Variants in FAM8A1 observed in about 807,000 individuals in gnomAD.
FAM8A1 encodes the protein family with sequence similarity 8 member A1, also known as protein FAM8A1.
In FAM8A1, 18 loss-of-function variants were observed where a neutral mutation model predicts 38.3. The observed-to-expected ratio is 0.47, with a 90% CI of 0.33 to 0.70. The LOEUF (loss-of-function observed/expected upper bound fraction) is 0.70. Ranked by LOEUF, FAM8A1 falls within the 30% of genes least tolerant of loss-of-function variation. The probability of loss-of-function intolerance (pLI) is 0.03; values close to 1 mark genes in which losing one functional copy is unlikely to be tolerated. For synonymous variants in FAM8A1, 246 were observed against 234.4 expected, an observed-to-expected ratio of 1.05 and a Z score of -0.45; for missense variants, 559 against 559.6, an observed-to-expected ratio of 1.00 and a Z score of 0.01.
chr6:17,600,870 G>A lies in FAM8A1; in HGVS notation c.461G>A (p.Gly154Asp), dbSNP rs754008029. Reference protein sequence around the residue: ...PQPSPQSFPSGGAAVPQAAAP... With the variant: ...PQPSPQSFPSDGAAVPQAAAP... ...CCCTCCCCGCAGAGCTTCCCTTCGG[G>A]CGGCGCTGCAGTCCCCCAGGCCGCG... Residue 154 changes from glycine (G) to aspartate (D), a missense_variant, in exon 1 of 5, where the codon GGC becomes GAC. By Grantham distance (94) the Gly-to-Asp change is moderately conservative. Coordinates refer to ENST00000259963, the MANE Select transcript of FAM8A1 (RefSeq NM_016255.3). 6.2e-7 allele frequency: 1 copy of A among 1,607,200 alleles called. No individual in the cohort carries two copies. The highest frequency in any genetic ancestry group is 1.1e-5 in the South Asian group (1 of 90,884).
chr6:17,610,498 A>G lies in FAM8A1; in HGVS notation c.*2159A>G, dbSNP rs372100685. ...AGAACCCAAGAGTCTGTTTCAATTT[A>G]TGAATTCAGTATTTGCACCGAGATT... On this transcript the variant is annotated 3_prime_UTR_variant, in exon 5 of 5. Coordinates refer to ENST00000259963, the MANE Select transcript of FAM8A1 (RefSeq NM_016255.3). 1 of 152,266 alleles carries G rather than the reference A, an allele frequency of 6.6e-6. No homozygotes were observed. The highest frequency in any genetic ancestry group is 1.9e-4 in the East Asian group (1 of 5,190). 9.4% of individuals were successfully genotyped at this position (152,266 alleles called of 1,614,324 possible). A position where few individuals can be genotyped will look rare whatever the true frequency, so the allele number is the denominator to read the frequency against.
chr6:17,606,039 A>G lies in FAM8A1; in HGVS notation c.1097+26A>G, dbSNP rs370429714. ...GTAAGTCCTTTTCTTAGCTTAATCTACTACATACTTAATGAAAATAATGTG... is the reference window on the plus strand; with the variant it reads ...GTAAGTCCTTTTCTTAGCTTAATCTGCTACATACTTAATGAAAATAATGTG... On this transcript the variant is annotated intron_variant, in intron 4 of 4. Coordinates refer to ENST00000259963, the MANE Select transcript of FAM8A1 (RefSeq NM_016255.3). The G allele has an allele frequency of 7.4e-6, 11 of 1,480,074 alleles. No homozygotes were observed. The African/African-American group carries it at 1.1e-4, about 15-fold the overall frequency. The allele number at this position is 1,480,074 out of a possible 1,614,324, so 91.7% of individuals were successfully genotyped here. A position where few individuals can be genotyped will look rare whatever the true frequency, so the allele number is the denominator to read the frequency against.
At chr6:17,608,115 T>C in intron 4 of FAM8A1, 80 bp from the exon 5 acceptor site, 1 of 1,452,074 alleles carries the variant, frequency 6.9e-7, no homozygotes, top group Non-Finnish European at 9.5e-7. Context: ...TAAATGTCTA[T>C]TTTGAACTTG....
chr6:17,600,335 G>T lies in FAM8A1; in HGVS notation c.-75G>T, dbSNP rs937450347. 2 of 1,312,974 alleles carry T rather than the reference G, an allele frequency of 1.5e-6. No homozygotes were observed. Among genetic ancestry groups the T allele is most frequent in the African/African-American group, 3.1e-5 (2 of 64,674 alleles). The allele number at this position is 1,312,974 out of a possible 1,614,324, so 81.3% of individuals were successfully genotyped here. ...CTGCGGTTGCTGCGGTGGTGACGGG[G>T]CTGTTGGGGAGGGGCCATTGGGGGA... On this transcript the variant is annotated 5_prime_UTR_variant, in exon 1 of 5. Transcript: ENST00000259963.
intron 1 of FAM8A1, among the ~76,000 whole-genome samples, chr6:17,601,367 T>A (rs1047674367): frequency 3.9e-5 from 6 of 152,204 alleles, no homozygotes; most frequent in Non-Finnish European, 7.3e-5. Context: ...GGACTAGTTG[T>A]TTATTCGTGA....
rs1035046039 is a variant in FAM8A1, at chr6:17,611,370, G to A, written c.*3031G>A. ...TAAAGGGCTTTTTGAGGGGGGTATGGATATTAAATGTTTTCGTTATATACT... is the reference window on the plus strand; with the variant it reads ...TAAAGGGCTTTTTGAGGGGGGTATGAATATTAAATGTTTTCGTTATATACT... On this transcript the variant is annotated 3_prime_UTR_variant, in exon 5 of 5. Transcript: ENST00000259963. The A allele has an allele frequency of 2.6e-5, 4 of 152,574 alleles. No homozygotes were observed. Among genetic ancestry groups the A allele is most frequent in the Non-Finnish European group, 5.9e-5 (4 of 68,014 alleles). The allele number at this position is 152,574 out of a possible 1,614,324, so 9.5% of individuals were successfully genotyped here. A position where few individuals can be genotyped will look rare whatever the true frequency, so the allele number is the denominator to read the frequency against.
Position 17,602,609 on chromosome 6 carries a change from A to C in FAM8A1, c.732A>C (p.Pro244=). Residue 244 remains proline (P), a synonymous_variant, in exon 2 of 5, where the codon CCA becomes CCC. Coordinates refer to ENST00000259963, the MANE Select transcript of FAM8A1 (RefSeq NM_016255.3). The part of the protein sequence containing the change: ...GRQAGREYVI[P]SLAHRFMAEM... ...TTACAGGCAGAGAATATGTTATTCC[A>C]TCCTTGGCCCACAGATTTATGGCAG... The C allele has an allele frequency of 6.2e-7, 1 of 1,609,362 alleles. No individual in the cohort carries two copies.
Position 17,600,476 on chromosome 6 carries a change from G to A in FAM8A1, c.67G>A (p.Glu23Lys), listed in dbSNP as rs1294721918. 3 of 1,514,724 alleles carry A rather than the reference G, an allele frequency of 2.0e-6. No individual in the cohort carries two copies. The highest frequency in any genetic ancestry group is 1.3e-5 in the South Asian group (1 of 79,804). 93.8% of individuals were successfully genotyped at this position (1,514,724 alleles called of 1,614,324 possible). A position where few individuals can be genotyped will look rare whatever the true frequency, so the allele number is the denominator to read the frequency against. ...PGQDDGGGDH[E>K]PVPSLRGPPT... Reference sequence around the variant, plus strand: ...GCAGGACGATGGCGGAGGGGACCACGAGCCCGTCCCTTCCCTGAGAGGCCC... The same window carrying A: ...GCAGGACGATGGCGGAGGGGACCACAAGCCCGTCCCTTCCCTGAGAGGCCC... Residue 23 changes from glutamate (E) to lysine (K), a missense_variant, in exon 1 of 5, where the codon GAG becomes AAG. Physicochemically the swap from Glu to Lys is moderately conservative, Grantham distance 56. Coordinates refer to ENST00000259963, the MANE Select transcript of FAM8A1 (RefSeq NM_016255.3).
At position 17,601,242 on chromosome 6, in the gene FAM8A1, G is replaced by T. The variant is rs1202502183; in HGVS notation, c.712+121G>T. 4.4e-5 allele frequency: 58 copies of T among 1,304,230 alleles called. 1 individual carries two copies. The highest frequency in any genetic ancestry group is 5.9e-5 in the Non-Finnish European group (57 of 970,102). The allele number at this position is 1,304,230 out of a possible 1,614,324, so 80.8% of individuals were successfully genotyped here. ...TCTACTCTGATTGACTATCCTGCCCGTTCAGTTCACTAGCTATCGTTTGTC... is the reference window on the plus strand; with the variant it reads ...TCTACTCTGATTGACTATCCTGCCCTTTCAGTTCACTAGCTATCGTTTGTC... On this transcript the variant is annotated intron_variant, in intron 1 of 4. Transcript: ENST00000259963.
intron 4 of FAM8A1, 81 bp from the exon 5 acceptor site, chr6:17,608,114 A>C: frequency 6.9e-7 from 1 of 1,439,692 alleles, no homozygotes. Context: ...TTAAATGTCT[A>C]TTTTGAACTT....
Position 17,600,894 on chromosome 6 carries a change from C to T in FAM8A1, c.485C>T (p.Ala162Val), listed in dbSNP as rs769323533. Residue 162 changes from alanine to valine, a missense_variant, in exon 1 of 5, where the codon GCG (alanine) becomes GTG (valine). Ala to Val is a moderately conservative substitution (Grantham distance 64). Around this residue, in one of 2 missense-constraint regions of FAM8A1, gnomAD observed 393 missense variants for 338.9 expected, o/e 1.16. Transcript: ENST00000259963. The stretch of plus-strand genomic sequence containing the variant: ...GGCGGCGCTGCAGTCCCCCAGGCCG[C>T]GGCGCCGCCGCCCCCGCAGCTGGGC... ...PSGGAAVPQA[A>V]APPPPQLGYY... The T allele has an allele frequency of 8.8e-6, 14 of 1,594,148 alleles. No homozygotes were observed. Among genetic ancestry groups the T allele is most frequent in the African/African-American group, 1.3e-5 (1 of 74,176 alleles).
intron 4 of FAM8A1, 46 bp from the exon 5 acceptor site, chr6:17,608,149 T>C (rs2113747940): frequency 1.3e-6 from 2 of 1,598,600 alleles, no homozygotes; most frequent in Non-Finnish European, 1.7e-6. Flanking sequence ...AATCTATATG[T>C]GGTTTGATGT....
chr6:17,603,596 G>C (rs1046413971), intron 2 of FAM8A1, among the ~76,000 whole-genome samples: 1 of 151,430 alleles, frequency 6.6e-6, no homozygotes, highest in Non-Finnish European at 1.5e-5. Context: ...TTCTTTTTTT[G>C]AGACAGAGTC....
intron 2 of FAM8A1, among the ~76,000 whole-genome samples, chr6:17,604,063 A>G (rs1413823482): frequency 6.6e-6 from 1 of 151,274 alleles, no homozygotes; most frequent in Non-Finnish European, 1.5e-5. Context: ...AAACCCTTCA[A>G]TGGTTTCTCT....
At chr6:17,602,502 T>A in intron 1 of FAM8A1, 88 bp from the exon 2 acceptor site, 2 of 1,329,580 alleles carry the variant, frequency 1.5e-6, no homozygotes, top group East Asian at 4.7e-5. Context: ...ACCTTGACTT[T>A]CTTTAGCAAT....
At chr6:17,606,043 CAT>C (rs2113746710) in intron 4 of FAM8A1, 30 bp downstream of exon 4, 2 of 1,468,944 alleles carry the variant, frequency 1.4e-6, no homozygotes, top group East Asian at 4.9e-5. Context: ...TAATCTACTA[CAT>C]ACTTAATGAA....
Position 17,608,945 on chromosome 6 carries a change from TG to T in FAM8A1, c.*607del, listed in dbSNP as rs1304906016. On this transcript the variant is annotated 3_prime_UTR_variant, in exon 5 of 5. Transcript: ENST00000259963. The stretch of plus-strand genomic sequence containing the variant: ...ATACTGCAGTTCCCTCTCGTAATGA[TG>T]TAACTTTACAACTATTCTTAATGCT... 1 of 152,186 alleles carries T rather than the reference TG, an allele frequency of 6.6e-6. No homozygotes were observed. The highest frequency in any genetic ancestry group is 1.5e-5 in the Non-Finnish European group (1 of 68,022). The allele number at this position is 152,186 out of a possible 1,614,324, so 9.4% of individuals were successfully genotyped here.
chr6:17,605,070 T>G, intron 3 of FAM8A1, 41 bp downstream of exon 3: 1 of 1,554,752 alleles, frequency 6.4e-7, no homozygotes, highest in Admixed American at 1.8e-5. Flanking sequence ...TTTAACAATC[T>G]AATTTTATGT....
chr6:17,607,254 A>C (rs1394604770), intron 4 of FAM8A1, among the ~76,000 whole-genome samples: 1 of 122,250 alleles, frequency 8.2e-6, no homozygotes, highest in African/African-American at 3.2e-5. Flanking sequence ...GCAAGACTCC[A>C]TCTCAAAAAA....
Sources: gnomAD v4.1 joint callset for allele counts (sites outside exome capture counted in the v4.1 genomes callset) on GRCh38, gnomAD v4.1.1 for gene constraint, gnomAD v4.1.1 regional missense constraint, MANE v1.5 for transcripts, NCBI Gene and HGNC (gene_info 2026-07-23, HGNC 2026-07-21) for gene names.